Variants in MGA observed in about 807,000 individuals in gnomAD.
MGA encodes the protein MAX gene-associated protein.
Under a neutral mutation model 261.1 loss-of-function variants are expected in MGA, and 40 were observed. The ratio of observed to expected loss-of-function variants is 0.15; its 90% CI spans 0.12 to 0.20. MGA has a LOEUF of 0.20. Ranked by LOEUF, MGA falls within the 10% of genes least tolerant of loss-of-function variation. The pLI is 1.00. For missense variants in MGA, 3,397 were observed against 3,630.5 expected, an observed-to-expected ratio of 0.94 and a Z score of 1.65; for synonymous variants, 1,302 against 1,290.6, an observed-to-expected ratio of 1.01 and a Z score of -0.19.
At position 41,767,141 on chromosome 15, in the gene MGA, A is replaced by C. The variant is rs375797279; in HGVS notation, c.9059A>C (p.Lys3020Thr). 1.2e-6 allele frequency: 2 copies of C among 1,614,010 alleles called. No individual in the cohort carries two copies. Among genetic ancestry groups the C allele is most frequent in the South Asian group, 2.2e-5 (2 of 91,082 alleles). Residue 3020 changes from lysine (K) to threonine (T), a missense_variant, in exon 24 of 24, where the codon AAA (lysine) becomes ACA (threonine). Lys to Thr is a moderately conservative substitution (Grantham distance 78). Transcript: ENST00000219905. ...CCTTGTTTGGCACCTATAGCTGCCA[A>C]AGTTGGGTCAGTTGGACACAAAATG...
At chr15:41,662,049 C>T (rs1419646460) in intron 1 of MGA, among the ~76,000 whole-genome samples, 3 of 152,108 alleles carry the variant, frequency 2.0e-5, no homozygotes, top group Non-Finnish European at 2.9e-5. Flanking sequence ...GGCGTCTGCT[C>T]CTCTCGGGGA....
chr15:41,729,680 T>C (rs75700572), intron 11 of MGA, among the ~76,000 whole-genome samples: 3 of 151,262 alleles, frequency 2.0e-5, no homozygotes, highest in Non-Finnish European at 4.4e-5. Flanking sequence ...AAAAAAAAAT[T>C]AGCTGGGCCT....
intron 1 of MGA, among the ~76,000 whole-genome samples, chr15:41,666,725 C>T (rs1388083979): frequency 2.0e-5 from 3 of 152,174 alleles, no homozygotes; most frequent in Admixed American, 6.5e-5. Flanking sequence ...GTTAACATTC[C>T]ACTCTATGGA....
rs143426887 is a variant in MGA at position 41,710,144 on chromosome 15, C to G, written c.2426-547C>G. 1.6e-3 allele frequency among the ~76,000 whole-genome samples: 242 copies of G among 152,208 alleles called. 2 individuals carry two copies. The highest frequency in any genetic ancestry group is 1.7e-3 in the South Asian group (8 of 4,826). ...GCACAGGCTCCCTGTTACGTTTTTA[C>G]TTATCTTTGGTCTCTTTAATCAGGT... On this transcript the variant is annotated intron_variant, in intron 7 of 23. Coordinates refer to ENST00000219905, the MANE Select transcript of MGA (RefSeq NM_001164273.2).
chr15:41,742,452 CCCA>C, intron 14 of MGA, 91 bp from the exon 15 acceptor site: 1 of 1,421,628 alleles, frequency 7.0e-7, no homozygotes, highest in East Asian at 2.3e-5. Context: ...AAGAAATTGA[CCCA>C]GTAGTGCACA....
chr15:41,764,990 G>C lies in MGA; in HGVS notation c.7849G>C (p.Val2617Leu). 6.2e-7 allele frequency: 1 copy of C among 1,614,046 alleles called. No homozygotes were observed. Among genetic ancestry groups the C allele is most frequent in the Non-Finnish European group, 8.5e-7 (1 of 1,179,894 alleles). The change falls in exon 23 of 24, where the codon GTA becomes CTA. Residue 2617 changes from valine (V) to leucine (L), a missense_variant. By Grantham distance (32) the Val-to-Leu change is conservative. This residue lies in a region of MGA where 647 missense variants were observed against 642.4 expected (regional missense o/e 1.01). Coordinates refer to ENST00000219905, the MANE Select transcript of MGA (RefSeq NM_001164273.2). The stretch of plus-strand genomic sequence containing the variant: ...AGGTCCCCTATTCTCAGGACCAGTG[G>C]TAGCTGTTTCTCCTGATCTCTTAGA...
At chr15:41,666,406 G>A (rs1021821115) in intron 1 of MGA, among the ~76,000 whole-genome samples, 1 of 151,948 alleles carries the variant, frequency 6.6e-6, no homozygotes, top group Admixed American at 6.6e-5. Context: ...TTTAAAGACC[G>A]AAATACTGTC....
At chr15:41,638,557 G>A (rs9788715) in intron 1 of MGA, among the ~76,000 whole-genome samples, 22,798 of 151,706 alleles carry the variant, frequency 0.15, 2,608 homozygotes, top group East Asian at 0.68. Context: ...TTTGTAGACG[G>A]GGTCTTCCTA....
At chr15:41,758,324 G>A (rs1295583654) in intron 19 of MGA, among the ~76,000 whole-genome samples, 1 of 152,074 alleles carries the variant, frequency 6.6e-6, no homozygotes, top group Non-Finnish European at 1.5e-5. Context: ...CAGTAGGCAT[G>A]GAGGAGAGTT....
chr15:41,664,000 G>C (rs1417449209), intron 1 of MGA, among the ~76,000 whole-genome samples: 1 of 152,166 alleles, frequency 6.6e-6, no homozygotes, highest in African/African-American at 2.4e-5. Flanking sequence ...GATTGATGTA[G>C]AATAAGAATT....
chr15:41,693,550 TA>T (rs1396543730), intron 2 of MGA, among the ~76,000 whole-genome samples: 3 of 152,138 alleles, frequency 2.0e-5, no homozygotes, highest in Non-Finnish European at 4.4e-5. Flanking sequence ...TTTTAAGTTT[TA>T]TAAAGTTTTA....
At chr15:41,651,115 C>A (rs2057033504) in intron 1 of MGA, among the ~76,000 whole-genome samples, 1 of 152,078 alleles carries the variant, frequency 6.6e-6, no homozygotes, top group Non-Finnish European at 1.5e-5. Context: ...TATAACAACC[C>A]ACTCTTGAGA....
intron 2 of MGA, among the ~76,000 whole-genome samples, chr15:41,672,123 T>G (rs2058094498): frequency 6.6e-6 from 1 of 152,230 alleles, no homozygotes; most frequent in South Asian, 2.1e-4. Flanking sequence ...GGATAGGGCC[T>G]GAAGGAGTTT....
Position 41,729,179 on chromosome 15 carries a change from A to G in MGA, c.3673A>G (p.Lys1225Glu). Reference sequence around the variant, plus strand: ...AAATTTACAGATTCGGGAAGAGGACAAAGATCCAGTCTACTTGTACTTTGA... The same window carrying G: ...AAATTTACAGATTCGGGAAGAGGACGAAGATCCAGTCTACTTGTACTTTGA... Residue 1225 changes from lysine to glutamate, a missense_variant, in exon 11 of 24, where the codon AAA becomes GAA. Transcript: ENST00000219905. 1 of 1,613,718 alleles carries G rather than the reference A, an allele frequency of 6.2e-7. No homozygotes were observed. Among genetic ancestry groups the G allele is most frequent in the Non-Finnish European group, 8.5e-7 (1 of 1,179,768 alleles).
chr15:41,647,426 G>T (rs2056956012), intron 1 of MGA, among the ~76,000 whole-genome samples: 1 of 151,902 alleles, frequency 6.6e-6, no homozygotes, highest in Non-Finnish European at 1.5e-5. Context: ...ATATTCTGTT[G>T]TACTACTCCA....
chr15:41,734,197 C>G (rs998164741), intron 11 of MGA, among the ~76,000 whole-genome samples: 13 of 152,006 alleles, frequency 8.6e-5, no homozygotes, highest in African/African-American at 3.1e-4. Context: ...CATGAGCCAC[C>G]GAGACTGGCC....
chr15:41,714,466 T>G (rs1190951026), intron 9 of MGA, among the ~76,000 whole-genome samples: 1 of 152,196 alleles, frequency 6.6e-6, no homozygotes, highest in African/African-American at 2.4e-5. Context: ...TAGATGTCAC[T>G]AGACTTGTGC....
chr15:41,732,086 G>A (rs1358284795), intron 11 of MGA, among the ~76,000 whole-genome samples: 5 of 151,720 alleles, frequency 3.3e-5, no homozygotes, highest in African/African-American at 1.2e-4. Flanking sequence ...AAGTATACTT[G>A]ACCCCAAAGG....
intron 2 of MGA, among the ~76,000 whole-genome samples, chr15:41,695,820 A>G (rs2059526812): frequency 6.6e-6 from 1 of 152,224 alleles, no homozygotes; most frequent in Non-Finnish European, 1.5e-5. Context: ...CAAAACATAC[A>G]GGAAAATATC....
Sources: gnomAD v4.1 joint callset for allele counts (sites outside exome capture counted in the v4.1 genomes callset) on GRCh38, gnomAD v4.1.1 for gene constraint, gnomAD v4.1.1 regional missense constraint, MANE v1.5 for transcripts, NCBI Gene and HGNC (gene_info 2026-07-23, HGNC 2026-07-21) for gene names.